The following MRPS5 variants were observed in gnomAD, a reference collection of about 807,000 sequenced individuals.
MRPS5 encodes small ribosomal subunit protein uS5m.
A neutral mutation model predicts 51.9 loss-of-function variants in MRPS5; 27 were observed. That is an observed-to-expected ratio of 0.52 (90% confidence interval 0.38 to 0.72). MRPS5 has a LOEUF of 0.72. Among genes scored for constraint, MRPS5 ranks in the 30% least tolerant of loss-of-function variants. The pLI, the probability that MRPS5 is intolerant of heterozygous loss-of-function variation, is 0.00. For synonymous variants in MRPS5, 196 were observed against 193.2 expected, an observed-to-expected ratio of 1.01 and a Z score of -0.12; for missense variants, 570 against 545.7, an observed-to-expected ratio of 1.04 and a Z score of -0.44.
intron 3 of MRPS5, among the ~76,000 whole-genome samples, chr2:95,112,253 C>T (rs1477486409): frequency 6.6e-6 from 1 of 151,980 alleles, no homozygotes; most frequent in Non-Finnish European, 1.5e-5. Context: ...TTAGTAGAGA[C>T]GGGGTTTCAC....
chr2:95,101,794 G>T, intron 7 of MRPS5, 71 bp from the exon 8 acceptor site: 1 of 1,013,208 alleles, frequency 9.9e-7, no homozygotes, highest in Non-Finnish European at 1.5e-6. Context: ...CACATTTCAA[G>T]TTTCTGCTCC....
chr2:95,108,442 T>A (rs1304615895), intron 4 of MRPS5, 34 bp from the exon 5 acceptor site: 1 of 1,539,324 alleles, frequency 6.5e-7, no homozygotes, highest in Admixed American at 1.7e-5. Context: ...ATAATTTTGT[T>A]AAAGTACTCA....
intron 10 of MRPS5, chr2:95,092,586 GT>G (rs1675500416): frequency 6.6e-6 from 1 of 152,178 alleles, no homozygotes; most frequent in Non-Finnish European, 1.5e-5. Context: ...ATTATATACT[GT>G]TTTAGCTTCA....
At chr2:95,104,065 T>C (rs1675877300) in intron 7 of MRPS5, 1 of 154,056 alleles carries the variant, frequency 6.5e-6, no homozygotes, top group South Asian at 2.0e-4. Context: ...CTATGTTAAC[T>C]ATACATAGGA....
At chr2:95,103,447 C>T (rs1300342261) in intron 7 of MRPS5, among the ~76,000 whole-genome samples, 12 of 151,964 alleles carry the variant, frequency 7.9e-5, no homozygotes, top group African/African-American at 2.7e-4. Context: ...TGATGAAACC[C>T]GAAGTTGGCA....
chr2:95,115,286 C>G (rs1676253814), intron 2 of MRPS5, 83 bp from the exon 3 acceptor site: 1 of 1,245,496 alleles, frequency 8.0e-7, no homozygotes, highest in East Asian at 2.7e-5. Flanking sequence ...TCATTACTAA[C>G]AAAAATAAGT....
intron 3 of MRPS5, among the ~76,000 whole-genome samples, chr2:95,113,040 T>C (rs150299912): frequency 7.0e-4 from 106 of 150,368 alleles, no homozygotes; most frequent in African/African-American, 2.5e-3. Context: ...TACTGCTTCA[T>C]GTCACTGAGG....
chr2:95,117,799 A>T, intron 2 of MRPS5, 66 bp downstream of exon 2: 3 of 1,346,210 alleles, frequency 2.2e-6, no homozygotes, highest in Non-Finnish European at 3.1e-6. Context: ...TATATTTTTT[A>T]AAACTACAGA....
At chr2:95,101,773 G>T in intron 7 of MRPS5, 50 bp from the exon 8 acceptor site, 2 of 1,404,760 alleles carry the variant, frequency 1.4e-6, no homozygotes, top group South Asian at 1.3e-5. Context: ...TTTTGCCCAT[G>T]TGGTTTTTGC....
rs760644443 is a variant in MRPS5, at chr2:95,110,053, C to A, written c.278-12G>T. On this transcript the variant is annotated splice_polypyrimidine_tract_variant and intron_variant, in intron 3 of 11. Coordinates refer to ENST00000272418, the MANE Select transcript of MRPS5 (RefSeq NM_031902.5). ...CTCATCTGCAGTCACTGTAACGAAA[C>A]AGGGTTTCTTTTCTTAATTCTGTAG... 2.5e-6 allele frequency: 4 copies of A among 1,602,548 alleles called. No individual in the cohort carries two copies. The highest frequency in any genetic ancestry group is 3.4e-6 in the Non-Finnish European group (4 of 1,177,342).
intron 3 of MRPS5, 148 bp downstream of exon 3, chr2:95,114,918 G>A: frequency 1.4e-6 from 1 of 726,930 alleles, no homozygotes; most frequent in Non-Finnish European, 2.0e-6. Context: ...ATAATTCTAG[G>A]ATGTACATCA....
rs1330116242 is a variant in MRPS5, at chr2:95,086,336, G to A, written c.*1021C>T. 6.6e-6 allele frequency among the ~76,000 whole-genome samples: 1 copy of A among 152,036 alleles called. No individual in the cohort carries two copies. The highest frequency in any genetic ancestry group is 1.5e-5 in the Non-Finnish European group (1 of 67,994). On this transcript the variant is annotated 3_prime_UTR_variant, in exon 12 of 12. Transcript: ENST00000272418. ...AGCAAATAGCCTCAGCAAATAAAGA[G>A]AAGACATAAAAAATAAACCAAATGG...
intron 10 of MRPS5, among the ~76,000 whole-genome samples, chr2:95,098,255 G>A (rs1461063363): frequency 2.6e-5 from 4 of 152,208 alleles, no homozygotes; most frequent in Non-Finnish European, 5.9e-5. Flanking sequence ...CTGTAAACTA[G>A]TTCGACCATT....
chr2:95,116,105 C>T (rs1181401695), intron 2 of MRPS5, among the ~76,000 whole-genome samples: 1 of 151,910 alleles, frequency 6.6e-6, no homozygotes, highest in Non-Finnish European at 1.5e-5. Context: ...AGGGTTTCAC[C>T]ATGGTGGCCA....
intron 3 of MRPS5, among the ~76,000 whole-genome samples, chr2:95,113,125 G>A (rs1676175034): frequency 6.6e-6 from 1 of 152,128 alleles, no homozygotes; most frequent in South Asian, 2.1e-4. Flanking sequence ...TGAGGTCTTG[G>A]AGAGTAAGGC....
At chr2:95,109,085 T>C (rs911701873) in intron 4 of MRPS5, among the ~76,000 whole-genome samples, 35 of 151,666 alleles carry the variant, frequency 2.3e-4, no homozygotes, top group African/African-American at 8.5e-4. Context: ...AGGGAGACAA[T>C]AGGATTGAAG....
intron 4 of MRPS5, among the ~76,000 whole-genome samples, 174 bp from the exon 5 acceptor site, chr2:95,108,582 G>A (rs1462966058): frequency 2.0e-5 from 3 of 152,126 alleles, no homozygotes. Context: ...TATACTTCAT[G>A]GTATTACCTA....
rs566164223 is a variant in MRPS5, at chr2:95,096,114, A to AC, written c.931+4359dup. 1.3e-3 allele frequency among the ~76,000 whole-genome samples: 201 copies of AC among 152,174 alleles called. 1 individual carries two copies. Among genetic ancestry groups the AC allele is most frequent in the African/African-American group, 4.6e-3 (192 of 41,522 alleles). ...AATGAATAAATTCCTCGACACATAC[A>AC]CCCTCCCCAGACTAAACCAGGAAGA... On this transcript the variant is annotated intron_variant, in intron 10 of 11. Transcript: ENST00000272418.
chr2:95,104,048 G>C (rs1375966874), intron 7 of MRPS5: 2 of 152,484 alleles, frequency 1.3e-5, no homozygotes. Context: ...TCAAAAACAG[G>C]TGTCCACTAT....
Sources: allele counts gnomAD v4.1 joint callset (sites outside exome capture counted in the v4.1 genomes callset), GRCh38; gene constraint gnomAD v4.1.1; transcripts MANE v1.5; gene names NCBI Gene and HGNC (gene_info 2026-07-23, HGNC 2026-07-21).